Variants in VSTM5 observed in about 807,000 individuals in gnomAD.
VSTM5 encodes the protein V-set and transmembrane domain containing 5.
Under a neutral mutation model 20.3 loss-of-function variants are expected in VSTM5, and 21 were observed. The observed-to-expected ratio is 1.03, with a 90% CI of 0.73 to 1.49. VSTM5 has a LOEUF of 1.49. Among genes scored for constraint, VSTM5 ranks in the 40% most tolerant of loss-of-function variants. The probability of loss-of-function intolerance (pLI) is 0.00; values close to 1 mark genes in which losing one functional copy is unlikely to be tolerated. For synonymous variants in VSTM5, 100 were observed against 102.5 expected, an observed-to-expected ratio of 0.98 and a Z score of 0.14; for missense variants, 219 against 250.0, an observed-to-expected ratio of 0.88 and a Z score of 0.84.
chr11:93,835,097 A>G (rs1198019236), intron 1 of VSTM5, among the ~76,000 whole-genome samples: 1 of 152,132 alleles, frequency 6.6e-6, no homozygotes, highest in Admixed American at 6.6e-5. Context: ...GTGGCCCTCA[A>G]TCTTGGACTT....
In VSTM5 at chr11:93,850,580, C is replaced by T. The variant is rs1160372426; in HGVS notation, c.-78G>A. ...CAGCTCCTATGCAGCCTTCTCTCTT[C>T]CTCCGCCTCTGGCTGCCGCAGGTTC... On this transcript the variant is annotated 5_prime_UTR_variant, in exon 1 of 4. Coordinates refer to ENST00000409977, the MANE Select transcript of VSTM5 (RefSeq NM_001144871.2). 2.9e-6 allele frequency: 3 copies of T among 1,036,350 alleles called. No homozygotes were observed. The highest frequency in any genetic ancestry group is 3.8e-5 in the East Asian group (1 of 26,428). 64.2% of individuals were successfully genotyped at this position (1,036,350 alleles called of 1,614,324 possible).
intron 1 of VSTM5, among the ~76,000 whole-genome samples, chr11:93,846,840 C>G (rs1041594580): frequency 6.7e-6 from 1 of 148,808 alleles, no homozygotes; most frequent in Non-Finnish European, 1.5e-5. Flanking sequence ...GATCTCGGCT[C>G]ACTGCAACCT....
chr11:93,828,493 G>A (rs11603314), intron 1 of VSTM5, among the ~76,000 whole-genome samples: 233 of 152,276 alleles, frequency 1.5e-3, no homozygotes, highest in Non-Finnish European at 2.4e-3. Context: ...CGATTATTCA[G>A]AAGGGGGATA....
chr11:93,825,366 C>T (rs2135730844), intron 1 of VSTM5, among the ~76,000 whole-genome samples: 1 of 152,280 alleles, frequency 6.6e-6, no homozygotes, highest in South Asian at 2.1e-4. Flanking sequence ...CACAGGTTTT[C>T]ACCATGTTGT....
At chr11:93,828,608 TA>T (rs1790774614) in intron 1 of VSTM5, among the ~76,000 whole-genome samples, 1 of 152,186 alleles carries the variant, frequency 6.6e-6, no homozygotes, top group South Asian at 2.1e-4. Context: ...CTTGCCAACA[TA>T]GTCTCTGCAT....
chr11:93,820,491 G>A lies in VSTM5; in HGVS notation c.*78C>T. ...GCTGCAACAGGACCACACACAATGG[G>A]TATAATAGCTGTGCTTGCTCTTTTT... On this transcript the variant is annotated 3_prime_UTR_variant, in exon 4 of 4. Coordinates refer to ENST00000409977, the MANE Select transcript of VSTM5 (RefSeq NM_001144871.2). 1 of 1,479,234 alleles carries A rather than the reference G, an allele frequency of 6.8e-7. No individual in the cohort carries two copies. Among genetic ancestry groups the A allele is most frequent in the Non-Finnish European group, 9.2e-7 (1 of 1,084,148 alleles). 91.6% of individuals were successfully genotyped at this position (1,479,234 alleles called of 1,614,324 possible).
chr11:93,827,209 C>A (rs1487334665), intron 1 of VSTM5, among the ~76,000 whole-genome samples: 1 of 152,042 alleles, frequency 6.6e-6, no homozygotes, highest in African/African-American at 2.4e-5. Context: ...CATGGAGAAA[C>A]CCCATCTCTA....
intron 1 of VSTM5, among the ~76,000 whole-genome samples, chr11:93,849,603 C>A (rs1457611767): frequency 2.0e-5 from 3 of 152,216 alleles, no homozygotes; most frequent in Non-Finnish European, 2.9e-5. Context: ...CTGGCTCTTA[C>A]TACAAGGCCT....
intron 1 of VSTM5, among the ~76,000 whole-genome samples, chr11:93,838,958 T>A (rs1303653255): frequency 6.6e-6 from 1 of 152,168 alleles, no homozygotes; most frequent in Non-Finnish European, 1.5e-5. Flanking sequence ...GACCAACATT[T>A]AAGGAGCTCC....
Position 93,820,570 on chromosome 11 carries a change from T to C in VSTM5, c.602A>G (p.Ter201TrpextTer44). ...GAATGCAGTCAGGCCCAGCCTTGGC[T>C]AACACTCAACATCTTCCAGCTCAAT... The part of the protein sequence containing the change: ...EEIELEDVEC[*>W] Residue 201 changes from the stop codon to tryptophan, a stop_lost, in exon 4 of 4, where the codon TAG becomes TGG. Transcript: ENST00000409977. 6.4e-7 allele frequency: 1 copy of C among 1,551,950 alleles called. No individual in the cohort carries two copies. The highest frequency in any genetic ancestry group is 2.4e-5 in the East Asian group (1 of 40,924).
At chr11:93,848,338 T>C (rs1380486101) in intron 1 of VSTM5, among the ~76,000 whole-genome samples, 1 of 152,198 alleles carries the variant, frequency 6.6e-6, no homozygotes, top group Non-Finnish European at 1.5e-5. Context: ...TAACGTCTTT[T>C]AAGGGCGCAG....
intron 1 of VSTM5, among the ~76,000 whole-genome samples, chr11:93,825,790 A>T (rs376849306): frequency 1.4e-5 from 2 of 146,840 alleles, no homozygotes; most frequent in East Asian, 2.0e-4. Flanking sequence ...TGTTATTGAG[A>T]TACAGTCTCA....
chr11:93,822,578 G>A lies in VSTM5; in HGVS notation c.92-1255C>T, dbSNP rs144980771. Among the ~76,000 whole-genome samples, 574 of 152,228 alleles carry A rather than the reference G, an allele frequency of 3.8e-3. 12 individuals carry two copies. Among genetic ancestry groups the A allele is most frequent in the African/African-American group, 0.013 (548 of 41,532 alleles). ...GGCTCACTCAACCTCCGCCTCTTGG[G>A]TTCCAGTGATTCTTGTGTCTCAGCT... On this transcript the variant is annotated intron_variant, in intron 1 of 3. Transcript: ENST00000409977.
At chr11:93,849,928 G>C (rs1045744909) in intron 1 of VSTM5, among the ~76,000 whole-genome samples, 6 of 152,228 alleles carry the variant, frequency 3.9e-5, no homozygotes, top group African/African-American at 9.6e-5. Flanking sequence ...CTGTGGGTTC[G>C]TCTGACTGAT....
chr11:93,850,518 C>T lies in VSTM5; in HGVS notation c.-16G>A. ...GAGGCCTCATGGGCGAGCCCGGGGC[C>T]TCGCGGGCCGGGGTGTGTGCTGGCC... On this transcript the variant is annotated 5_prime_UTR_variant, in exon 1 of 4. Transcript: ENST00000409977. 6.5e-7 allele frequency: 1 copy of T among 1,544,884 alleles called. No homozygotes were observed. The highest frequency in any genetic ancestry group is 2.5e-5 in the East Asian group (1 of 40,682).
chr11:93,820,389 A>G lies in VSTM5; in HGVS notation c.*180T>C. On this transcript the variant is annotated 3_prime_UTR_variant, in exon 4 of 4. Coordinates refer to ENST00000409977, the MANE Select transcript of VSTM5 (RefSeq NM_001144871.2). ...CCTTGAACTTAGCGCGAGTCCTAAT[A>G]CTAGCTTTGTCCCATCCACAGTCCT... 1.5e-6 allele frequency: 1 copy of G among 648,768 alleles called. No homozygotes were observed. The highest frequency in any genetic ancestry group is 2.7e-6 in the Non-Finnish European group (1 of 376,846). 40.2% of individuals were successfully genotyped at this position (648,768 alleles called of 1,614,324 possible).
At chr11:93,847,347 T>C (rs948174225) in intron 1 of VSTM5, among the ~76,000 whole-genome samples, 1 of 152,136 alleles carries the variant, frequency 6.6e-6, no homozygotes, top group East Asian at 1.9e-4. Context: ...ATTCCTTCTA[T>C]ACTGGCTCCC....
At chr11:93,822,369 A>G (rs1347689836) in intron 1 of VSTM5, among the ~76,000 whole-genome samples, 1 of 151,142 alleles carries the variant, frequency 6.6e-6, no homozygotes, top group Non-Finnish European at 1.5e-5. Context: ...GGCATGAGCC[A>G]GTGCACCCAG....
At chr11:93,830,186 G>C (rs1343450792) in intron 1 of VSTM5, among the ~76,000 whole-genome samples, 1 of 152,198 alleles carries the variant, frequency 6.6e-6, no homozygotes, top group Non-Finnish European at 1.5e-5. Flanking sequence ...GGACCCACGA[G>C]GATGTTCAAA....
Sources: gnomAD v4.1 joint callset for allele counts (sites outside exome capture counted in the v4.1 genomes callset) on GRCh38, gnomAD v4.1.1 for gene constraint, MANE v1.5 for transcripts, NCBI Gene and HGNC (gene_info 2026-07-23, HGNC 2026-07-21) for gene names.